The following LMX1A variants were observed in gnomAD, a reference collection of about 807,000 sequenced individuals.
The protein encoded by LMX1A is LIM homeobox transcription factor 1 alpha.
In LMX1A, 15 loss-of-function variants were observed where a neutral mutation model predicts 49.1. That is an observed-to-expected ratio of 0.31 (90% confidence interval 0.20 to 0.47). The LOEUF is 0.47. Among genes scored for constraint, LMX1A ranks in the 20% least tolerant of loss-of-function variants. The pLI, the probability that LMX1A is intolerant of heterozygous loss-of-function variation, is 1.00. For synonymous variants in LMX1A, 167 were observed against 185.7 expected (o/e 0.90, Z 0.82); for missense variants, 372 against 475.8 (o/e 0.78, Z 2.03).
At chr1:165,232,078 AAAG>A (rs1652260506) in intron 4 of LMX1A, among the ~76,000 whole-genome samples, 1 of 152,190 alleles carries the variant, frequency 6.6e-6, no homozygotes, top group African/African-American at 2.4e-5. Context: ...AAGGTCAAAA[AAAG>A]TGAAGTACCG....
chr1:165,211,136 A>T (rs1444290633), intron 5 of LMX1A: 1 of 166,434 alleles, frequency 6.0e-6, no homozygotes, highest in East Asian at 1.6e-4. Context: ...GAGATCTGAG[A>T]GTGAAAATCA....
chr1:165,223,455 T>G (rs1213314878), intron 4 of LMX1A, among the ~76,000 whole-genome samples: 1 of 152,096 alleles, frequency 6.6e-6, no homozygotes, highest in Non-Finnish European at 1.5e-5. Context: ...ATGGACAAGA[T>G]CAAGAGAGCC....
intron 3 of LMX1A, among the ~76,000 whole-genome samples, chr1:165,266,386 T>C (rs1392094793): frequency 6.6e-6 from 1 of 151,898 alleles, no homozygotes; most frequent in African/African-American, 2.4e-5. Flanking sequence ...GGACAAATAG[T>C]AGAGTCCAGT....
chr1:165,325,461 A>ATG (rs61491320), intron 3 of LMX1A, among the ~76,000 whole-genome samples: 12 of 150,858 alleles, frequency 8.0e-5, no homozygotes, highest in African/African-American at 2.7e-4. Context: ...GTATATACAT[A>ATG]TGTGTGTGTG....
intron 3 of LMX1A, among the ~76,000 whole-genome samples, chr1:165,334,847 A>G (rs1655854198): frequency 6.6e-6 from 1 of 151,602 alleles, no homozygotes; most frequent in Non-Finnish European, 1.5e-5. Context: ...AGGAATGCCC[A>G]GTCTCTGGCC....
intron 3 of LMX1A, among the ~76,000 whole-genome samples, chr1:165,255,612 G>A (rs1314815535): frequency 6.6e-6 from 1 of 152,154 alleles, no homozygotes; most frequent in African/African-American, 2.4e-5. Context: ...AATTTTTTGG[G>A]CCTTTATCAT....
intron 3 of LMX1A, among the ~76,000 whole-genome samples, chr1:165,286,657 A>C (rs1226624554): frequency 6.6e-6 from 1 of 152,148 alleles, no homozygotes; most frequent in Non-Finnish European, 1.5e-5. Flanking sequence ...AATCCTCACA[A>C]GAATCCTGCA....
At chr1:165,214,985 A>G (rs1651586173) in intron 4 of LMX1A, among the ~76,000 whole-genome samples, 1 of 152,182 alleles carries the variant, frequency 6.6e-6, no homozygotes, top group African/African-American at 2.4e-5. Flanking sequence ...TCTGGGGCAT[A>G]CCTGTGTAAG....
intron 3 of LMX1A, among the ~76,000 whole-genome samples, chr1:165,307,370 A>G (rs188957058): frequency 6.6e-6 from 1 of 152,336 alleles, no homozygotes; most frequent in Non-Finnish European, 1.5e-5. Flanking sequence ...TCCAGAAAAC[A>G]TGGTTGATGA....
At position 165,355,310 on chromosome 1, in the gene LMX1A, T is replaced by C. The variant is rs578210720; in HGVS notation, c.76+174A>G. Among the ~76,000 whole-genome samples, 12 of 152,166 alleles carry C rather than the reference T, an allele frequency of 7.9e-5. No homozygotes were observed. In the East Asian group the frequency reaches 1.8e-3, roughly 22 times the overall value. ...GCCTGGGGCGGCTTGTTGGATTTAT[T>C]TGGGTAGGGACGACCCACAAGCACT... On this transcript the variant is annotated intron_variant, in intron 2 of 8. Transcript: ENST00000342310. The surrounding 1 kb of genome is among the most constrained non-coding windows in gnomAD (Gnocchi z 4.7).
intron 3 of LMX1A, among the ~76,000 whole-genome samples, chr1:165,329,416 C>A: frequency 9.4e-6 from 1 of 106,142 alleles, no homozygotes; most frequent in Non-Finnish European, 2.2e-5. Context: ...GATCTCCAAG[C>A]AAGACAGGGC....
rs527370820 is a variant in LMX1A, at chr1:165,353,162, G to A, written c.177C>T (p.Cys59=). Residue 59 remains cysteine, a synonymous_variant, in exon 3 of 9, where the codon TGC becomes TGT. Transcript: ENST00000342310. ...RLNDSFWHEQ[C]VQCASCKEPL... is the part of the protein sequence containing the mutation. Reference sequence around the variant, plus strand: ...GCTCTTTGCAGGAGGCGCACTGCACGCACTGCTCATGCCAGAAGCTGTCGT... The same window carrying A: ...GCTCTTTGCAGGAGGCGCACTGCACACACTGCTCATGCCAGAAGCTGTCGT... 3 of 1,614,130 alleles carry A rather than the reference G, an allele frequency of 1.9e-6. No homozygotes were observed. The highest frequency in any genetic ancestry group is 1.7e-5 in the Admixed American group (1 of 60,028).
chr1:165,304,844 G>A (rs181875084), intron 3 of LMX1A, among the ~76,000 whole-genome samples: 3 of 152,222 alleles, frequency 2.0e-5, no homozygotes, highest in Middle Eastern at 3.4e-3. Context: ...CATCAGCCTG[G>A]AAAACTTCCC....
intron 5 of LMX1A, chr1:165,211,469 T>C (rs1651388561): frequency 6.6e-6 from 1 of 152,276 alleles, no homozygotes; most frequent in Admixed American, 6.5e-5. Flanking sequence ...TGGCAAGGTG[T>C]TGAGAAGAGA....
intron 3 of LMX1A, among the ~76,000 whole-genome samples, chr1:165,277,313 A>G (rs1444432335): frequency 1.3e-5 from 2 of 152,186 alleles, no homozygotes; most frequent in East Asian, 3.9e-4. Context: ...TTGTCTTGGC[A>G]TCGGCCCACC....
chr1:165,208,804 G>A (rs1571145679), intron 6 of LMX1A, among the ~76,000 whole-genome samples: 1 of 152,054 alleles, frequency 6.6e-6, no homozygotes, highest in South Asian at 2.1e-4. Flanking sequence ...CCGCCACTAC[G>A]CCTGGCTAAT....
At chr1:165,346,667 T>C (rs1010730514) in intron 3 of LMX1A, among the ~76,000 whole-genome samples, 5 of 152,248 alleles carry the variant, frequency 3.3e-5, no homozygotes, top group African/African-American at 7.2e-5. Flanking sequence ...CCTTACACCA[T>C]GTCTTCACTA....
intron 4 of LMX1A, among the ~76,000 whole-genome samples, chr1:165,217,714 G>A (rs1420717980): frequency 6.6e-6 from 1 of 152,124 alleles, no homozygotes; most frequent in African/African-American, 2.4e-5. Flanking sequence ...GCATTTGGTT[G>A]AAAAAAATCC....
chr1:165,219,107 G>A (rs1019868939), intron 4 of LMX1A: 2 of 152,220 alleles, frequency 1.3e-5, no homozygotes, highest in Non-Finnish European at 2.9e-5. Context: ...GAATGGTTCA[G>A]GGCTGTTTTC....
Sources: allele counts gnomAD v4.1 joint callset (sites outside exome capture counted in the v4.1 genomes callset), GRCh38; gene constraint gnomAD v4.1.1; non-coding constraint Gnocchi (gnomAD v3.1); transcripts MANE v1.5; gene names NCBI Gene and HGNC (gene_info 2026-07-23, HGNC 2026-07-21).